PLXNC1: variants seen among roughly 807,000 people sequenced by gnomAD.
PLXNC1 encodes the protein plexin C1.
Under a neutral mutation model 178.2 loss-of-function variants are expected in PLXNC1, and 75 were observed. The ratio of observed to expected loss-of-function variants is 0.42; its 90% CI spans 0.35 to 0.51. The LOEUF is 0.51. PLXNC1 is among the 20% of genes least tolerant of loss of function. The pLI, the probability that PLXNC1 is intolerant of heterozygous loss-of-function variation, is 0.02. For missense variants in PLXNC1, 1,503 were observed against 1,984.4 expected, an observed-to-expected ratio of 0.76 and a Z score of 4.61; for synonymous variants, 790 against 779.9, an observed-to-expected ratio of 1.01 and a Z score of -0.22.
At chr12:94,302,965 T>A (rs1002124307) in intron 28 of PLXNC1, among the ~76,000 whole-genome samples, 4 of 152,292 alleles carry the variant, frequency 2.6e-5, no homozygotes, top group African/African-American at 9.6e-5. Flanking sequence ...AATATCTCAG[T>A]CTCTAGGCAT....
intron 9 of PLXNC1, among the ~76,000 whole-genome samples, chr12:94,229,475 G>A (rs1964031883): frequency 6.6e-6 from 1 of 151,928 alleles, no homozygotes; most frequent in South Asian, 2.1e-4. Context: ...ATAAATCATT[G>A]CCAAATTCAA....
At chr12:94,247,480 T>C (rs911147390) in intron 12 of PLXNC1, among the ~76,000 whole-genome samples, 9 of 152,154 alleles carry the variant, frequency 5.9e-5, no homozygotes, top group Admixed American at 6.5e-5. Context: ...GACACTTTTC[T>C]TTTCTCGTGG....
chr12:94,192,544 G>C (rs1204398002), intron 4 of PLXNC1, among the ~76,000 whole-genome samples: 4 of 151,842 alleles, frequency 2.6e-5, no homozygotes, highest in African/African-American at 9.7e-5. Flanking sequence ...ATGCTCATGG[G>C]TCAGCCTGTC....
chr12:94,242,613 T>C (rs981441807), intron 11 of PLXNC1, among the ~76,000 whole-genome samples: 1 of 152,066 alleles, frequency 6.6e-6, no homozygotes, highest in African/African-American at 2.4e-5. Context: ...ACACATTTTT[T>C]GGGGACACAG....
intron 2 of PLXNC1, among the ~76,000 whole-genome samples, chr12:94,177,231 A>ATG: frequency 1.2e-4 from 1 of 8,380 alleles, no homozygotes; most frequent in Admixed American, 1.2e-3. Context: ...ATATATATAC[A>ATG]TATATATATA....
chr12:94,280,700 G>C (rs1343427192), intron 22 of PLXNC1, among the ~76,000 whole-genome samples: 1 of 152,210 alleles, frequency 6.6e-6, no homozygotes, highest in African/African-American at 2.4e-5. Context: ...CCTGACCCCA[G>C]ACCCCCAGCT....
At chr12:94,156,461 G>T (rs1406045212) in intron 1 of PLXNC1, among the ~76,000 whole-genome samples, 2 of 146,112 alleles carry the variant, frequency 1.4e-5, no homozygotes, top group Non-Finnish European at 3.0e-5. Context: ...GGCCTGCCTT[G>T]ATCCCCACTG....
chr12:94,298,505 T>C (rs1270191068), intron 26 of PLXNC1, 127 bp from the exon 27 acceptor site: 1 of 773,446 alleles, frequency 1.3e-6, no homozygotes, highest in Admixed American at 3.3e-5. Flanking sequence ...TACATTTTTC[T>C]CTTCAGTTTG....
At position 94,300,569 on chromosome 12, in the gene PLXNC1, T is replaced by TCAGACCATGACAGAG. The variant is rs1338055503; in HGVS notation, c.4239-341_4239-340insCAGACCATGACAGAG. Reference sequence around the variant, plus strand: ...AGAGGAGAGACATGGTCTGATTCTGTGTTGAGAGGACTGCTGATAGTTATG... The same window carrying TCAGACCATGACAGAG: ...AGAGGAGAGACATGGTCTGATTCTGTCAGACCATGACAGAGGTTGAGAGGACTGCTGATAGTTATG... On this transcript the variant is annotated intron_variant, in intron 27 of 30. Transcript: ENST00000258526. Among the ~76,000 whole-genome samples, 120 of 152,202 alleles carry TCAGACCATGACAGAG rather than the reference T, an allele frequency of 7.9e-4. 1 individual carries two copies. The East Asian group carries it at 0.022, about 28-fold the overall frequency.
intron 23 of PLXNC1, among the ~76,000 whole-genome samples, chr12:94,291,070 A>G (rs967966687): frequency 6.6e-6 from 1 of 152,194 alleles, no homozygotes; most frequent in Non-Finnish European, 1.5e-5. Context: ...AGTGCCCATC[A>G]GGGTGTGGGG....
At chr12:94,170,261 A>T (rs975192764) in intron 2 of PLXNC1, among the ~76,000 whole-genome samples, 3 of 152,102 alleles carry the variant, frequency 2.0e-5, no homozygotes, top group Non-Finnish European at 2.9e-5. Context: ...ATACAGTTCT[A>T]CTAGACAACC....
At chr12:94,176,958 T>A (rs1176914099) in intron 2 of PLXNC1, among the ~76,000 whole-genome samples, 2 of 151,536 alleles carry the variant, frequency 1.3e-5, no homozygotes, top group African/African-American at 4.8e-5. Flanking sequence ...TACTATAGTT[T>A]ACTTAACCAG....
At chr12:94,246,433 C>T (rs1439623734) in intron 12 of PLXNC1, among the ~76,000 whole-genome samples, 1 of 152,080 alleles carries the variant, frequency 6.6e-6, no homozygotes, top group Non-Finnish European at 1.5e-5. Context: ...GTGGGGGTGA[C>T]ATCATGGGAG....
At chr12:94,262,730 G>A (rs1054445596) in intron 20 of PLXNC1, 2 of 985,310 alleles carry the variant, frequency 2.0e-6, no homozygotes, top group Non-Finnish European at 2.4e-6. Context: ...CCCCACAGAC[G>A]TTTAGTGGGT....
chr12:94,251,343 T>C, intron 14 of PLXNC1, 83 bp from the exon 15 acceptor site: 1 of 796,386 alleles, frequency 1.3e-6, no homozygotes, highest in Non-Finnish European at 2.2e-6. Flanking sequence ...TTTTGTATTG[T>C]GAAGCCATTT....
chr12:94,276,189 C>T (rs1358137008), intron 21 of PLXNC1, among the ~76,000 whole-genome samples: 1 of 152,154 alleles, frequency 6.6e-6, no homozygotes, highest in Non-Finnish European at 1.5e-5. Flanking sequence ...AACTATTAAA[C>T]AAGCTGAGAT....
intron 14 of PLXNC1, among the ~76,000 whole-genome samples, chr12:94,249,699 A>G (rs1337772777): frequency 1.3e-5 from 2 of 152,028 alleles, no homozygotes; most frequent in African/African-American, 2.4e-5. Flanking sequence ...CAACAACTCA[A>G]CTCACCAGTG....
Position 94,149,287 on chromosome 12 carries a change from A to G in PLXNC1, c.316A>G (p.Ser106Gly). ...GCGGCCCCGGCCCGGGAGCAGCTTC[A>G]GCAAGCTGCTGCTGCCCTACCGCGA... ...PARPRPGSSFSKLLLPYREGA... is the reference protein window; with the variant it reads ...PARPRPGSSFGKLLLPYREGA... Residue 106 changes from serine to glycine, a missense_variant, in exon 1 of 31, where the codon AGC becomes GGC. Ser to Gly is a moderately conservative substitution (Grantham distance 56). Around this residue, in one of 4 missense-constraint regions of PLXNC1, gnomAD observed 176 missense variants for 180.7 expected, o/e 0.97. Coordinates refer to ENST00000258526, the MANE Select transcript of PLXNC1 (RefSeq NM_005761.3). The G allele has an allele frequency of 7.3e-6, 11 of 1,504,658 alleles. No homozygotes were observed. Among genetic ancestry groups the G allele is most frequent in the Non-Finnish European group, 9.7e-6 (11 of 1,135,648 alleles). 93.2% of individuals were successfully genotyped at this position (1,504,658 alleles called of 1,614,324 possible).
intron 1 of PLXNC1, among the ~76,000 whole-genome samples, chr12:94,164,869 G>A (rs889586747): frequency 4.6e-5 from 7 of 152,174 alleles, no homozygotes; most frequent in Non-Finnish European, 1.0e-4. Flanking sequence ...ACGTGTAGGC[G>A]TGACGTTATG....
Sources: gnomAD v4.1 joint callset for allele counts (sites outside exome capture counted in the v4.1 genomes callset) on GRCh38, gnomAD v4.1.1 for gene constraint, gnomAD v4.1.1 regional missense constraint, MANE v1.5 for transcripts, NCBI Gene and HGNC (gene_info 2026-07-23, HGNC 2026-07-21) for gene names.